The following SEMA6D variants were observed in gnomAD, a reference collection of about 807,000 sequenced individuals.
The protein encoded by SEMA6D is semaphorin 6D, also known as semaphorin-6D.
Under a neutral mutation model 106.6 loss-of-function variants are expected in SEMA6D, and 35 were observed. That is an observed-to-expected ratio of 0.33 (90% CI 0.25 to 0.44). The LOEUF is 0.44. SEMA6D is among the 20% of genes least tolerant of loss of function. The pLI is 1.00. For missense variants in SEMA6D, 1,185 were observed against 1,345.9 expected (o/e 0.88, Z 1.87); for synonymous variants, 499 against 487.7 (o/e 1.02, Z -0.31).
chr15:47,617,196 G>T (rs909474154), intron 4 of SEMA6D, among the ~76,000 whole-genome samples: 2 of 152,186 alleles, frequency 1.3e-5, no homozygotes, highest in Middle Eastern at 3.4e-3. Flanking sequence ...CTCTTCCAAG[G>T]TTACCTACCT....
intron 1 of SEMA6D, among the ~76,000 whole-genome samples, chr15:47,288,844 C>T (rs147337999): frequency 5.9e-5 from 9 of 152,254 alleles, no homozygotes; most frequent in South Asian, 2.1e-4. Context: ...TTAGGACAGC[C>T]GAGCACAACT....
chr15:47,603,346 A>G (rs1224671), intron 4 of SEMA6D: 113,330 of 151,944 alleles, frequency 0.75, 42,824 homozygotes, highest in African/African-American at 0.86. Context: ...CTTGCCACTC[A>G]TGGATGCCTC....
chr15:47,487,286 G>A (rs960540706), intron 3 of SEMA6D, among the ~76,000 whole-genome samples: 1 of 152,172 alleles, frequency 6.6e-6, no homozygotes, highest in Non-Finnish European at 1.5e-5. Flanking sequence ...CAAGGAAACT[G>A]CAGGAAATGC....
rs1040880812 is a variant in SEMA6D at position 47,228,048 on chromosome 15, A to G, written c.-239+43630A>G. ...TTTTTTATATATATAAGAATCTTAT[A>G]TATATATTTTTATATATAAGAATTC... On this transcript the variant is annotated intron_variant, in intron 1 of 19. Transcript: ENST00000558014. 4.2e-5 allele frequency among the ~76,000 whole-genome samples: 6 copies of G among 143,710 alleles called. 1 individual carries two copies. In the East Asian group the frequency reaches 1.4e-3, roughly 33 times the overall value. 94.3% of individuals were successfully genotyped at this position (143,710 alleles called of 152,430 possible).
chr15:47,414,853 C>T (rs1443606735), intron 2 of SEMA6D, among the ~76,000 whole-genome samples: 1 of 152,132 alleles, frequency 6.6e-6, no homozygotes, highest in Non-Finnish European at 1.5e-5. Flanking sequence ...CAATCTTAAT[C>T]CTAAAACCAT....
intron 1 of SEMA6D, among the ~76,000 whole-genome samples, chr15:47,384,527 T>C (rs1595877961): frequency 6.6e-6 from 1 of 152,330 alleles, no homozygotes; most frequent in East Asian, 1.9e-4. Context: ...ATCTGTGCAA[T>C]GAGCAGTGAG....
At chr15:47,239,876 G>T (rs931598953) in intron 1 of SEMA6D, among the ~76,000 whole-genome samples, 1 of 152,160 alleles carries the variant, frequency 6.6e-6, no homozygotes, top group African/African-American at 2.4e-5. Flanking sequence ...TTGTATTGTT[G>T]TTGTTATCTA....
intron 4 of SEMA6D, among the ~76,000 whole-genome samples, chr15:47,668,457 A>G (rs1376655447): frequency 6.6e-6 from 1 of 152,190 alleles, no homozygotes; most frequent in Admixed American, 6.5e-5. Flanking sequence ...TATGAGCTCT[A>G]TTCTGCTCCT....
At position 47,569,074 on chromosome 15, in the gene SEMA6D, G is replaced by A. The variant is rs562527652; in HGVS notation, c.-86-31791G>A. On this transcript the variant is annotated intron_variant, in intron 3 of 19. Coordinates refer to the SEMA6D transcript ENST00000558014. ...GCTTCAGGCTTTAGAACCCATTTCA[G>A]TTTGAAAAGCTTTAATTTTGATCTG... 7.8e-4 allele frequency among the ~76,000 whole-genome samples: 119 copies of A among 152,150 alleles called. 1 individual carries two copies. Among genetic ancestry groups the A allele is most frequent in the African/African-American group, 2.5e-3 (105 of 41,512 alleles).
chr15:47,415,591 A>T (rs893240103), intron 2 of SEMA6D, among the ~76,000 whole-genome samples: 8 of 151,890 alleles, frequency 5.3e-5, no homozygotes, highest in African/African-American at 1.5e-4. Context: ...GGTTTTTTTT[A>T]GCTATTGACC....
intron 1 of SEMA6D, among the ~76,000 whole-genome samples, chr15:47,190,161 T>G (rs182088648): frequency 5.8e-4 from 88 of 152,294 alleles, no homozygotes; most frequent in Middle Eastern, 3.4e-3. Context: ...TTAATAACAT[T>G]TGGGCAGAGA....
intron 1 of SEMA6D, among the ~76,000 whole-genome samples, chr15:47,732,938 C>G (rs1260512705): frequency 6.6e-6 from 1 of 152,178 alleles, no homozygotes; most frequent in Non-Finnish European, 1.5e-5. Context: ...CAGATTAACA[C>G]TTTGAAACAT....
At chr15:47,544,428 T>C (rs2142274065) in intron 3 of SEMA6D, among the ~76,000 whole-genome samples, 1 of 152,264 alleles carries the variant, frequency 6.6e-6, no homozygotes, top group Admixed American at 6.5e-5. Context: ...ATATCTACTA[T>C]TTGTCAAGCA....
intron 3 of SEMA6D, among the ~76,000 whole-genome samples, chr15:47,503,198 A>G (rs1349218096): frequency 3.3e-5 from 5 of 152,200 alleles, no homozygotes; most frequent in Non-Finnish European, 7.3e-5. Flanking sequence ...TAAAATTCCA[A>G]TATCCAATAT....
intron 3 of SEMA6D, among the ~76,000 whole-genome samples, chr15:47,569,851 A>G (rs549544674): frequency 1.3e-5 from 2 of 152,282 alleles, no homozygotes; most frequent in African/African-American, 4.8e-5. Context: ...ACCTGAGGTC[A>G]GGAGTTCAAG....
At position 47,299,778 on chromosome 15, in the gene SEMA6D, A is replaced by G. The variant is rs185855528; in HGVS notation, c.-238-112615A>G. Among the ~76,000 whole-genome samples, 70 of 152,352 alleles carry G rather than the reference A, an allele frequency of 4.6e-4. 1 individual carries two copies. The highest frequency in any genetic ancestry group is 3.7e-3 in the South Asian group (18 of 4,828). On this transcript the variant is annotated intron_variant, in intron 1 of 19. Transcript: ENST00000558014. ...TACTGTCTACCAGAAGCCATCTTGC[A>G]ACTATAGATCCTGTAGGTACTTGAT...
At chr15:47,750,428 C>T (rs1273800536) in intron 1 of SEMA6D, among the ~76,000 whole-genome samples, 1 of 152,140 alleles carries the variant, frequency 6.6e-6, no homozygotes, top group African/African-American at 2.4e-5. Context: ...TCTCTGGCCA[C>T]CTAGCTAGCC....
At chr15:47,413,929 G>A (rs1355345162) in intron 2 of SEMA6D, among the ~76,000 whole-genome samples, 1 of 152,130 alleles carries the variant, frequency 6.6e-6, no homozygotes, top group Non-Finnish European at 1.5e-5. Flanking sequence ...GTGAATTTCT[G>A]AAGGATGTAT....
chr15:47,292,229 G>A (rs1233143262), intron 1 of SEMA6D, among the ~76,000 whole-genome samples: 1 of 152,172 alleles, frequency 6.6e-6, no homozygotes, highest in Non-Finnish European at 1.5e-5. Flanking sequence ...AACTAAAAGA[G>A]TATAAAAAGA....
Sources: allele counts gnomAD v4.1 joint callset (sites outside exome capture counted in the v4.1 genomes callset), GRCh38; gene constraint gnomAD v4.1.1; transcripts MANE v1.5; gene names NCBI Gene and HGNC (gene_info 2026-07-23, HGNC 2026-07-21).